Variants in EML1 observed in about 807,000 individuals in gnomAD.
EML1 encodes EMAP like 1, also known as echinoderm microtubule-associated protein-like 1.
EML1 carries 27 observed loss-of-function variants against 110.4 expected under a neutral mutation model. That is an observed-to-expected ratio of 0.24 (90% confidence interval 0.18 to 0.34). The LOEUF (loss-of-function observed/expected upper bound fraction) is 0.34, where lower values mean the gene tolerates loss of function less well. Among genes scored for constraint, EML1 ranks in the 10% least tolerant of loss-of-function variants. The pLI, the probability that EML1 is intolerant of heterozygous loss-of-function variation, is 1.00. For missense variants in EML1, 741 were observed against 1,030.9 expected, an observed-to-expected ratio of 0.72 and a Z score of 3.85; for synonymous variants, 344 against 385.8, an observed-to-expected ratio of 0.89 and a Z score of 1.27.
chr14:99,757,645 G>A (rs1360680005), intron 1 of EML1, among the ~76,000 whole-genome samples: 1 of 152,200 alleles, frequency 6.6e-6, no homozygotes, highest in Non-Finnish European at 1.5e-5. Context: ...AGAAACGCCA[G>A]ATGGAGCATT....
intron 10 of EML1, among the ~76,000 whole-genome samples, chr14:99,907,962 T>A (rs1438406195): frequency 6.6e-6 from 1 of 152,272 alleles, no homozygotes; most frequent in Non-Finnish European, 1.5e-5. Context: ...GTTTTCTTCC[T>A]CATTTCATAG....
intron 1 of EML1, among the ~76,000 whole-genome samples, chr14:99,745,652 T>C (rs953476839): frequency 6.6e-5 from 10 of 152,246 alleles, no homozygotes; most frequent in African/African-American, 1.9e-4. Flanking sequence ...CAGACATTCC[T>C]GCAGTATTCA....
chr14:99,862,950 T>C (rs979235716), intron 2 of EML1, among the ~76,000 whole-genome samples: 15 of 152,204 alleles, frequency 9.9e-5, no homozygotes, highest in African/African-American at 3.4e-4. Flanking sequence ...GGTGTCTATG[T>C]ATGTATTTAT....
At chr14:99,798,082 G>A (rs1275078554) in intron 1 of EML1, among the ~76,000 whole-genome samples, 1 of 152,226 alleles carries the variant, frequency 6.6e-6, no homozygotes, top group Non-Finnish European at 1.5e-5. Context: ...CAGACTGTCA[G>A]TTCCTACAAG....
At chr14:99,890,010 A>G (rs1055384516) in intron 4 of EML1, among the ~76,000 whole-genome samples, 1 of 152,220 alleles carries the variant, frequency 6.6e-6, no homozygotes, top group Non-Finnish European at 1.5e-5. Flanking sequence ...ATATTAATAT[A>G]GAATATTACT....
intron 8 of EML1, among the ~76,000 whole-genome samples, chr14:99,898,885 G>A (rs1595452723): frequency 6.6e-6 from 1 of 152,002 alleles, no homozygotes; most frequent in African/African-American, 2.4e-5. Context: ...TATATGATAA[G>A]TATTAAAAAT....
At position 99,867,189 on chromosome 14, in the gene EML1, C is replaced by A. The variant is rs115004687; in HGVS notation, c.383+1543C>A. Among the ~76,000 whole-genome samples the A allele has an allele frequency of 9.6e-3, 1,462 of 152,296 alleles. 30 individuals carry two copies. Among genetic ancestry groups the A allele is most frequent in the African/African-American group, 0.033 (1,389 of 41,556 alleles). On this transcript the variant is annotated intron_variant, in intron 3 of 21. Transcript: ENST00000262233. ...TATTCTGTACCATTTATCTGCACAT[C>A]TGTCCTTATGGCCAATACCCTACCA...
At chr14:99,803,562 A>G (rs2057919844) in intron 1 of EML1, among the ~76,000 whole-genome samples, 1 of 152,182 alleles carries the variant, frequency 6.6e-6, no homozygotes, top group African/African-American at 2.4e-5. Context: ...AAAACTTGCC[A>G]CCACAGTTGC....
At chr14:99,855,061 T>C (rs960792724) in intron 2 of EML1, among the ~76,000 whole-genome samples, 4 of 152,148 alleles carry the variant, frequency 2.6e-5, no homozygotes, top group African/African-American at 9.7e-5. Context: ...GGTGCCTCCA[T>C]ATGATTAAAT....
In EML1 at chr14:99,936,214, C is replaced by G; in HGVS notation, c.2008-33C>G. The G allele has an allele frequency of 1.2e-6, 2 of 1,612,704 alleles. No individual in the cohort carries two copies. The highest frequency in any genetic ancestry group is 1.7e-6 in the Non-Finnish European group (2 of 1,178,746). Reference sequence around the variant, plus strand: ...CAGTGTTGGCAGGGACTTCTAAGGCCAATGAAATGAAGACAGTGTTTTACC... The same window carrying G: ...CAGTGTTGGCAGGGACTTCTAAGGCGAATGAAATGAAGACAGTGTTTTACC... On this transcript the variant is annotated intron_variant, in intron 18 of 21. Coordinates refer to ENST00000262233, the MANE Select transcript of EML1 (RefSeq NM_004434.3). This position sits in a 1 kb window ranked among gnomAD's most constrained non-coding sequence, Gnocchi z 5.5.
intron 1 of EML1, among the ~76,000 whole-genome samples, chr14:99,832,867 A>G (rs1247444874): frequency 6.6e-6 from 1 of 152,100 alleles, no homozygotes; most frequent in East Asian, 1.9e-4. Flanking sequence ...TCTTAAATCT[A>G]ATTTACCATT....
chr14:99,922,313 G>A (rs1308083649), intron 17 of EML1, among the ~76,000 whole-genome samples: 1 of 151,962 alleles, frequency 6.6e-6, no homozygotes, highest in Admixed American at 6.6e-5. Context: ...ATGGGATTTC[G>A]CCATATTGGC....
At chr14:99,741,623 C>T (rs1350592695) in intron 1 of EML1, among the ~76,000 whole-genome samples, 1 of 58,622 alleles carries the variant, frequency 1.7e-5, no homozygotes, top group African/African-American at 3.3e-5. Context: ...CAGCTTTTTG[C>T]GCCCACCCCC....
intron 2 of EML1, among the ~76,000 whole-genome samples, chr14:99,863,449 C>T (rs906550971): frequency 3.9e-5 from 6 of 152,190 alleles, no homozygotes; most frequent in Non-Finnish European, 8.8e-5. Flanking sequence ...GTCACATATG[C>T]CCCATGATGG....
intron 4 of EML1, among the ~76,000 whole-genome samples, chr14:99,880,336 AGACTCG>A (rs1344146412): frequency 6.6e-6 from 1 of 152,138 alleles, no homozygotes; most frequent in African/African-American, 2.4e-5. Flanking sequence ...GAAGCAGCTA[AGACTCG>A]GTAGAAGTGA....
chr14:99,914,707 CA>C lies in EML1; in HGVS notation c.1752+11del. ...GGACAAAATAATAGAGGTAAACATG[CA>C]CATTACATTTCCATTTTTCTTACAG... On this transcript the variant is annotated intron_variant, in intron 15 of 21. Transcript: ENST00000262233. 1.3e-6 allele frequency: 2 copies of C among 1,596,248 alleles called. No homozygotes were observed. Among genetic ancestry groups the C allele is most frequent in the Non-Finnish European group, 1.7e-6 (2 of 1,175,246 alleles).
intron 19 of EML1, among the ~76,000 whole-genome samples, chr14:99,937,467 G>A (rs1436457754): frequency 1.3e-5 from 2 of 152,156 alleles, no homozygotes; most frequent in Non-Finnish European, 2.9e-5. Flanking sequence ...GGAGGCGAGG[G>A]GGCCTGACCG....
chr14:99,905,310 C>T lies in EML1; in HGVS notation c.1009-2328C>T, dbSNP rs950613342. On this transcript the variant is annotated intron_variant, in intron 9 of 21. Transcript: ENST00000262233. This position sits in a 1 kb window ranked among gnomAD's most constrained non-coding sequence, Gnocchi z 4.1. The stretch of plus-strand genomic sequence containing the variant: ...TCAAACTGGCAGGGCTCAGACATGC[C>T]CCTGGTCGGCCCCATCGTTGTTAAT... 7.2e-5 allele frequency among the ~76,000 whole-genome samples: 11 copies of T among 152,194 alleles called. No homozygotes were observed. Among genetic ancestry groups the T allele is most frequent in the Admixed American group, 3.9e-4 (6 of 15,284 alleles).
rs201992766 is a variant in EML1, at chr14:99,936,093, C to T, written c.1974C>T (p.Asn658=). The change falls in exon 18 of 22, where the codon AAC becomes AAT. Residue 658 remains asparagine (N), a synonymous_variant. Transcript: ENST00000262233. The surrounding 1 kb of genome is among the most constrained non-coding windows in gnomAD (Gnocchi z 5.5). ...NCIYIYGVSD[N]GRKYTRVGKC... The stretch of plus-strand genomic sequence containing the variant: ...TCTATATATATGGCGTTAGTGACAA[C>T]GGGAGGAAGTACACGCGAGTGGGCA... The T allele has an allele frequency of 9.9e-6, 16 of 1,614,108 alleles. No individual in the cohort carries two copies. The highest frequency in any genetic ancestry group is 8.8e-5 in the South Asian group (8 of 91,084).
Sources: allele counts gnomAD v4.1 joint callset (sites outside exome capture counted in the v4.1 genomes callset), GRCh38; gene constraint gnomAD v4.1.1; non-coding constraint Gnocchi (gnomAD v3.1); transcripts MANE v1.5; gene names NCBI Gene and HGNC (gene_info 2026-07-23, HGNC 2026-07-21).